Variants in DYNC1H1 observed in about 807,000 individuals in gnomAD.
DYNC1H1 encodes the protein cytoplasmic dynein 1 heavy chain 1.
A neutral mutation model predicts 527.1 loss-of-function variants in DYNC1H1; 51 were observed. The ratio of observed to expected loss-of-function variants is 0.10; its 90% CI spans 0.08 to 0.12. DYNC1H1 has a LOEUF of 0.12. DYNC1H1 is among the 10% of genes least tolerant of loss of function. The pLI, the probability that DYNC1H1 is intolerant of heterozygous loss-of-function variation, is 1.00. For missense variants in DYNC1H1, 2,771 were observed against 5,971.8 expected (o/e 0.46, Z 17.66); for synonymous variants, 2,189 against 2,278.8 (o/e 0.96, Z 1.12).
rs942267911 is a variant in DYNC1H1, at chr14:102,050,845, C to T, written c.*282C>T. On this transcript the variant is annotated 3_prime_UTR_variant, in exon 78 of 78. Transcript: ENST00000360184. ...TTCATCCCAGGGCACAGAGCCTTGC[C>T]TTCCATGCTGCCCAGGGAGGGCAGC... 2.3e-6 allele frequency: 1 copy of T among 430,588 alleles called. No homozygotes were observed. The highest frequency in any genetic ancestry group is 4.3e-6 in the Non-Finnish European group (1 of 232,706). 26.7% of individuals were successfully genotyped at this position (430,588 alleles called of 1,614,324 possible).
At position 102,050,566 on chromosome 14, in the gene DYNC1H1, T is replaced by G. The variant is rs369843891; in HGVS notation, c.*3T>G. 1 of 1,614,106 alleles carries G rather than the reference T, an allele frequency of 6.2e-7. No individual in the cohort carries two copies. The highest frequency in any genetic ancestry group is 1.3e-5 in the African/African-American group (1 of 74,936). On this transcript the variant is annotated 3_prime_UTR_variant, in exon 78 of 78. Transcript: ENST00000360184. The stretch of plus-strand genomic sequence containing the variant: ...TCGCAGTCTTGTGCACAGAGTAAAC[T>G]TTTCTAGCTGCCCCTTTCTGTAATA...
chr14:102,039,641 G>A lies in DYNC1H1; in HGVS notation c.11599G>A (p.Ala3867Thr). ...TCGTCTCCTGCTCTTGTCCCAGGTGGCGTTTAACCGAGTGGCTCGAGGCAT... is the reference window on the plus strand; with the variant it reads ...TCGTCTCCTGCTCTTGTCCCAGGTGACGTTTAACCGAGTGGCTCGAGGCAT... ...SIITKDLFQVAFNRVARGMLH... is the reference protein window; with the variant it reads ...SIITKDLFQVTFNRVARGMLH... The change falls in exon 62 of 78, where the codon GCG becomes ACG. Residue 3867 changes from alanine to threonine, a missense_variant. Physicochemically the swap from Ala to Thr is moderately conservative, Grantham distance 58. Transcript: ENST00000360184. The surrounding 1 kb of genome is among the most constrained non-coding windows in gnomAD (Gnocchi z 7.0). The A allele has an allele frequency of 6.2e-7, 1 of 1,614,128 alleles. No homozygotes were observed. Among genetic ancestry groups the A allele is most frequent in the Non-Finnish European group, 8.5e-7 (1 of 1,180,026 alleles).
At chr14:102,047,600 C>T (rs28641119) in intron 72 of DYNC1H1, 8 of 352,458 alleles carry the variant, frequency 2.3e-5, no homozygotes, top group African/African-American at 1.0e-4. Flanking sequence ...TATATATATA[C>T]ACATATATGT....
Position 102,032,487 on chromosome 14 carries a change from A to G in DYNC1H1, c.10079+20A>G, listed in dbSNP as rs1268894648. 6 of 1,613,856 alleles carry G rather than the reference A, an allele frequency of 3.7e-6. No individual in the cohort carries two copies. The Admixed American group carries it at 5.0e-5, about 13-fold the overall frequency. ...GATCAGGTGAGAAAGTGGAAGTGCC[A>G]AGGTATTGCCAGAAATTGAAATCAG... On this transcript the variant is annotated intron_variant, in intron 52 of 77. Transcript: ENST00000360184.
chr14:102,004,736 A>G (rs1303087716), intron 24 of DYNC1H1, 26 bp from the exon 25 acceptor site: 8 of 1,613,942 alleles, frequency 5.0e-6, no homozygotes, highest in African/African-American at 2.7e-5. Flanking sequence ...TGCATACCTC[A>G]TTTCTTAAAA....
chr14:101,966,558 G>C (rs1205211676), intron 1 of DYNC1H1, among the ~76,000 whole-genome samples: 2 of 151,818 alleles, frequency 1.3e-5, no homozygotes, highest in Non-Finnish European at 2.9e-5. Flanking sequence ...TGTCTTTGTG[G>C]TCATTTTTCA....
rs1389804748 is a variant in DYNC1H1, at chr14:102,029,142, G to T, written c.9469-397G>T. ...CTTCCCCTGGTAGTCTGATCATCTT[G>T]CTGTGCTTCAGAAATCAAGGGACCA... is the stretch of plus-strand genomic sequence containing the variant. On this transcript the variant is annotated intron_variant, in intron 48 of 77. Transcript: ENST00000360184. The surrounding 1 kb of genome is among the most constrained non-coding windows in gnomAD (Gnocchi z 5.3). 4 of 287,150 alleles carry T rather than the reference G, an allele frequency of 1.4e-5. No homozygotes were observed. Among genetic ancestry groups the T allele is most frequent in the Middle Eastern group, 1.3e-3 (1 of 788 alleles). The allele number at this position is 287,150 out of a possible 1,614,324, so 17.8% of individuals were successfully genotyped here.
In DYNC1H1 at chr14:102,041,272, G is replaced by A; in HGVS notation, c.11942-302G>A. 2.3e-6 allele frequency: 1 copy of A among 441,672 alleles called. No individual in the cohort carries two copies. Among genetic ancestry groups the A allele is most frequent in the Non-Finnish European group, 4.2e-6 (1 of 236,582 alleles). 27.4% of individuals were successfully genotyped at this position (441,672 alleles called of 1,614,324 possible). The stretch of plus-strand genomic sequence containing the variant: ...CAGACTGTGGAGGGCAGAGCGTGGA[G>A]CCCCCTTCCTGAGTACCTTCAGGTG... On this transcript the variant is annotated intron_variant, in intron 64 of 77. Coordinates refer to ENST00000360184, the MANE Select transcript of DYNC1H1 (RefSeq NM_001376.5). This position sits in a 1 kb window ranked among gnomAD's most constrained non-coding sequence, Gnocchi z 4.5.
rs200562671 is a variant in DYNC1H1 at position 102,000,415 on chromosome 14, G to T, written c.4074+16G>T. 1.9e-5 allele frequency: 31 copies of T among 1,611,646 alleles called. No homozygotes were observed. In the African/African-American group the frequency reaches 2.3e-4, roughly 12 times the overall value. On this transcript the variant is annotated intron_variant, in intron 18 of 77. Coordinates refer to ENST00000360184, the MANE Select transcript of DYNC1H1 (RefSeq NM_001376.5). ...GCCTCGAAAGGTATATCATGAAATC[G>T]GTGTTTGTGTACGTCTATTTTAACA...
At chr14:102,009,602 T>G (rs773964768) in intron 29 of DYNC1H1, 7 of 534,644 alleles carry the variant, frequency 1.3e-5, no homozygotes, top group Non-Finnish European at 2.0e-5. Context: ...TAGTGGTCTC[T>G]GCCTCTGGTG....
intron 11 of DYNC1H1, among the ~76,000 whole-genome samples, chr14:101,992,880 C>T (rs1395474087): frequency 1.3e-5 from 2 of 152,190 alleles, no homozygotes; most frequent in African/African-American, 4.8e-5. Flanking sequence ...TCCTCTTTTG[C>T]CTTCCCCTTA....
chr14:102,041,220 T>C lies in DYNC1H1; in HGVS notation c.11942-354T>C, dbSNP rs542440162. 3 of 387,846 alleles carry C rather than the reference T, an allele frequency of 7.7e-6. No homozygotes were observed. Among genetic ancestry groups the C allele is most frequent in the Non-Finnish European group, 1.5e-5 (3 of 203,816 alleles). The allele number at this position is 387,846 out of a possible 1,614,324, so 24.0% of individuals were successfully genotyped here. ...TTTTTGAGTGTGTTAGGCCAGACCCTGGGCTAGCCAGGCTGAGAGGAAGTG... is the reference window on the plus strand; with the variant it reads ...TTTTTGAGTGTGTTAGGCCAGACCCCGGGCTAGCCAGGCTGAGAGGAAGTG... On this transcript the variant is annotated intron_variant, in intron 64 of 77. Transcript: ENST00000360184. This position sits in a 1 kb window ranked among gnomAD's most constrained non-coding sequence, Gnocchi z 4.5.
At position 102,049,917 on chromosome 14, in the gene DYNC1H1, G is replaced by A; in HGVS notation, c.13684+35G>A. On this transcript the variant is annotated intron_variant, in intron 76 of 77. Coordinates refer to ENST00000360184, the MANE Select transcript of DYNC1H1 (RefSeq NM_001376.5). This position sits in a 1 kb window ranked among gnomAD's most constrained non-coding sequence, Gnocchi z 5.5. ...GTCTCACAGAAAATACTGGCTCTTT[G>A]CAGGTGACCTCGGTGGCCTGAGACC... The A allele has an allele frequency of 6.4e-7, 1 of 1,561,646 alleles. No homozygotes were observed. Among genetic ancestry groups the A allele is most frequent in the Non-Finnish European group, 8.6e-7 (1 of 1,164,276 alleles).
Position 102,027,194 on chromosome 14 carries a change from G to T in DYNC1H1, c.8792G>T (p.Gly2931Val). Residue 2931 changes from glycine to valine, a missense_variant, in exon 45 of 78, where the codon GGC becomes GTC. Physicochemically the swap from Gly to Val is moderately radical, Grantham distance 109. Transcript: ENST00000360184. The surrounding 1 kb of genome is among the most constrained non-coding windows in gnomAD (Gnocchi z 7.7). ...RIDRIFRQPQ[G>V]HLLLIGVSGA... is the part of the protein sequence containing the mutation. ...TTCAGAATATTCCGTCAACCTCAAGGCCACTTGCTTCTGATTGGTGTTAGT... is the reference window on the plus strand; with the variant it reads ...TTCAGAATATTCCGTCAACCTCAAGTCCACTTGCTTCTGATTGGTGTTAGT... 1 of 1,614,036 alleles carries T rather than the reference G, an allele frequency of 6.2e-7. No individual in the cohort carries two copies. The highest frequency in any genetic ancestry group is 8.5e-7 in the Non-Finnish European group (1 of 1,180,000).
Position 102,010,094 on chromosome 14 carries a change from G to A in DYNC1H1, c.6221+8G>A. The A allele has an allele frequency of 6.2e-7, 1 of 1,613,416 alleles. No homozygotes were observed. The highest frequency in any genetic ancestry group is 8.5e-7 in the Non-Finnish European group (1 of 1,180,040). The stretch of plus-strand genomic sequence containing the variant: ...AATCGTCCCGTTTTTTAAGTAAGTA[G>A]CCTAGAATTCTTCATAATCATGTTT... On this transcript the variant is annotated splice_region_variant and intron_variant, in intron 30 of 77. Transcript: ENST00000360184. This position sits in a 1 kb window ranked among gnomAD's most constrained non-coding sequence, Gnocchi z 6.0.
In DYNC1H1 at chr14:101,979,277, G is replaced by A. The variant is rs1183647673; in HGVS notation, c.345-42G>A. Reference sequence around the variant, plus strand: ...TTTTTAAATTAATAAGCCTAATTAGGAGTGTAACTTTTCTAATTTCTTGTT... The same window carrying A: ...TTTTTAAATTAATAAGCCTAATTAGAAGTGTAACTTTTCTAATTTCTTGTT... On this transcript the variant is annotated intron_variant, in intron 2 of 77. Coordinates refer to ENST00000360184, the MANE Select transcript of DYNC1H1 (RefSeq NM_001376.5). This position sits in a 1 kb window ranked among gnomAD's most constrained non-coding sequence, Gnocchi z 4.6. 1 of 1,571,826 alleles carries A rather than the reference G, an allele frequency of 6.4e-7. No homozygotes were observed. The highest frequency in any genetic ancestry group is 8.8e-7 in the Non-Finnish European group (1 of 1,141,994).
chr14:101,964,954 G>A lies in DYNC1H1; in HGVS notation c.256+7G>A, dbSNP rs890555539. ...GAGCGCTCCACGCTCAAAGGTGCGG[G>A]GCCGCGGAGGGCAGGGTCGCCAGAG... On this transcript the variant is annotated splice_region_variant and intron_variant, in intron 1 of 77. Transcript: ENST00000360184. The surrounding 1 kb of genome is among the most constrained non-coding windows in gnomAD (Gnocchi z 5.5). The A allele has an allele frequency of 1.9e-6, 3 of 1,588,846 alleles. No individual in the cohort carries two copies. Among genetic ancestry groups the A allele is most frequent in the Non-Finnish European group, 2.6e-6 (3 of 1,169,042 alleles).
intron 2 of DYNC1H1, among the ~76,000 whole-genome samples, chr14:101,977,875 A>G (rs999653263): frequency 3.3e-5 from 5 of 152,166 alleles, no homozygotes; most frequent in Non-Finnish European, 7.4e-5. Flanking sequence ...TTACAGTTAT[A>G]TGAAGTTTTT....
intron 63 of DYNC1H1, 68 bp from the exon 64 acceptor site, chr14:102,040,530 G>A (rs2048635943): frequency 6.2e-7 from 1 of 1,611,344 alleles, no homozygotes; most frequent in East Asian, 2.2e-5. Context: ...TCAGACTCTC[G>A]CTCAGTCGTG....
Sources: gnomAD v4.1 joint callset for allele counts (sites outside exome capture counted in the v4.1 genomes callset) on GRCh38, gnomAD v4.1.1 for gene constraint, Gnocchi (gnomAD v3.1) non-coding constraint, MANE v1.5 for transcripts, NCBI Gene and HGNC (gene_info 2026-07-23, HGNC 2026-07-21) for gene names.